Variants in NBAS observed in about 807,000 individuals in gnomAD.
The protein encoded by NBAS is NAG/BC035112 fusion.
A neutral mutation model predicts 302.5 loss-of-function variants in NBAS; 219 were observed. That is an observed-to-expected ratio of 0.72 (90% confidence interval 0.65 to 0.81). The LOEUF is 0.81. Among genes scored for constraint, NBAS ranks in the 30% least tolerant of loss-of-function variants. The pLI, the probability that NBAS is intolerant of heterozygous loss-of-function variation, is 0.00. For synonymous variants in NBAS, 1,118 were observed against 1,021.6 expected, an observed-to-expected ratio of 1.09 and a Z score of -1.80; for missense variants, 2,932 against 2,841.6, an observed-to-expected ratio of 1.03 and a Z score of -0.72.
intron 40 of NBAS, among the ~76,000 whole-genome samples, chr2:15,298,444 C>CCTCTGAGCTGTAAATTTTCCA (rs1344980514): frequency 6.6e-6 from 1 of 152,016 alleles, no homozygotes; most frequent in Non-Finnish European, 1.5e-5. Context: ...CTAGTTTTTC[C>CCTCTGAGCTGTAAATTTTCCA]CTCTGAGCTG....
the NBAS span, among the ~76,000 whole-genome samples, chr2:14,862,217 C>A: frequency 2.0e-5 from 3 of 151,784 alleles, no homozygotes; most frequent in Admixed American, 6.6e-5. Context: ...CAGCTCACTG[C>A]AATCTCCACC....
At chr2:15,074,931 AT>A in the NBAS span, among the ~76,000 whole-genome samples, 155 of 152,354 alleles carry the variant, frequency 1.0e-3, no homozygotes, top group African/African-American at 3.6e-3. Context: ...AATGGCAAGG[AT>A]TTCATGATGA....
chr2:15,473,207 A>C lies in NBAS; in HGVS notation c.1725+15T>G. 1 of 1,613,488 alleles carries C rather than the reference A, an allele frequency of 6.2e-7. No homozygotes were observed. The highest frequency in any genetic ancestry group is 2.2e-5 in the East Asian group (1 of 44,862). ...AATATACATTTTACCACATTACCAA[A>C]ATATTTAAACATACCAAATAATTCT... On this transcript the variant is annotated intron_variant, in intron 16 of 51. Transcript: ENST00000281513.
chr2:15,340,558 A>G (rs1179506145), intron 35 of NBAS, among the ~76,000 whole-genome samples: 1 of 152,176 alleles, frequency 6.6e-6, no homozygotes, highest in Non-Finnish European at 1.5e-5. Flanking sequence ...TGTACATTCA[A>G]GTCCGGAACT....
At chr2:15,478,317 G>A (rs1016653910) in intron 12 of NBAS, 28 bp from the exon 13 acceptor site, 3 of 1,516,122 alleles carry the variant, frequency 2.0e-6, no homozygotes, top group African/African-American at 1.4e-5. Context: ...GACTTCCTGA[G>A]TGAACTATGT....
chr2:15,027,807 G>C, the NBAS span, among the ~76,000 whole-genome samples: 1 of 151,984 alleles, frequency 6.6e-6, no homozygotes, highest in Non-Finnish European at 1.5e-5. Flanking sequence ...TCATATTTAC[G>C]TAGTTTTATT....
intron 31 of NBAS, among the ~76,000 whole-genome samples, chr2:15,369,437 T>C (rs562454865): frequency 6.6e-6 from 1 of 152,214 alleles, no homozygotes; most frequent in African/African-American, 2.4e-5. Context: ...CTACTAATAT[T>C]TGAAGTACAT....
chr2:14,827,889 G>A, the NBAS span, among the ~76,000 whole-genome samples: 1 of 152,140 alleles, frequency 6.6e-6, no homozygotes, highest in Non-Finnish European at 1.5e-5. Flanking sequence ...CACTGTGCCT[G>A]TGCTTGATAC....
chr2:15,112,185 G>C, the NBAS span, among the ~76,000 whole-genome samples: 1 of 151,382 alleles, frequency 6.6e-6, no homozygotes, highest in African/African-American at 2.4e-5. Context: ...AATGATGTAA[G>C]AGATGAAAGA....
At chr2:14,847,296 T>A in the NBAS span, among the ~76,000 whole-genome samples, 1 of 142,528 alleles carries the variant, frequency 7.0e-6, no homozygotes. Flanking sequence ...AGCAGGAGAA[T>A]GGCATGAACC....
chr2:15,467,350 T>G lies in NBAS; in HGVS notation c.2076A>C (p.Leu692Phe), dbSNP rs1679766348. The G allele has an allele frequency of 6.2e-7, 1 of 1,613,032 alleles. No individual in the cohort carries two copies. The highest frequency in any genetic ancestry group is 1.1e-5 in the South Asian group (1 of 91,066). Reference sequence around the variant, plus strand: ...TTACCTCATATGTTGCAAGTCGATCTAAGTAGGTTAATAACTTCCGTCTAC... The same window carrying G: ...TTACCTCATATGTTGCAAGTCGATCGAAGTAGGTTAATAACTTCCGTCTAC... ...CRCRRKLLTY[L>F]DRLATYEEIL... The change falls in exon 19 of 52, where the codon TTA becomes TTC. Residue 692 changes from leucine to phenylalanine, a missense_variant. Coordinates refer to ENST00000281513, the MANE Select transcript of NBAS (RefSeq NM_015909.4).
intron 44 of NBAS, among the ~76,000 whole-genome samples, chr2:15,258,957 C>T (rs1668729178): frequency 6.6e-6 from 1 of 152,278 alleles, no homozygotes; most frequent in East Asian, 1.9e-4. Flanking sequence ...TGTGATGTCA[C>T]CCCTAGCGGC....
At chr2:15,284,080 T>G (rs1263085837) in intron 42 of NBAS, among the ~76,000 whole-genome samples, 2 of 151,424 alleles carry the variant, frequency 1.3e-5, no homozygotes, top group Admixed American at 6.6e-5. Flanking sequence ...TTCTAGGCAT[T>G]CATGGCCACC....
At chr2:15,040,320 C>T in the NBAS span, among the ~76,000 whole-genome samples, 1 of 152,098 alleles carries the variant, frequency 6.6e-6, no homozygotes, top group Non-Finnish European at 1.5e-5. Flanking sequence ...AATGACTTTC[C>T]CAGGGTAACA....
At chr2:14,861,235 C>T in the NBAS span, among the ~76,000 whole-genome samples, 1 of 152,126 alleles carries the variant, frequency 6.6e-6, no homozygotes, top group East Asian at 1.9e-4. Flanking sequence ...ATTCAGATAA[C>T]GACATTATTC....
intron 44 of NBAS, among the ~76,000 whole-genome samples, chr2:15,247,710 A>T (rs1293863771): frequency 9.1e-6 from 1 of 110,196 alleles, no homozygotes; most frequent in Admixed American, 1.0e-4. Context: ...CTCTCTATAT[A>T]TATCTATATA....
chr2:15,468,008 T>A (rs1188201353), intron 17 of NBAS, among the ~76,000 whole-genome samples: 1 of 152,136 alleles, frequency 6.6e-6, no homozygotes, highest in Non-Finnish European at 1.5e-5. Flanking sequence ...TTATTACAAA[T>A]AGAAATCTAA....
intron 25 of NBAS, among the ~76,000 whole-genome samples, chr2:15,410,588 C>T (rs545485960): frequency 5.9e-4 from 89 of 150,602 alleles, no homozygotes; most frequent in Non-Finnish European, 9.3e-4. Flanking sequence ...AAACAGACAA[C>T]AAGTGCTCAT....
chr2:15,415,748 A>G (rs1468276242), intron 24 of NBAS, 29 bp from the exon 25 acceptor site: 1 of 1,612,604 alleles, frequency 6.2e-7, no homozygotes, highest in Non-Finnish European at 8.5e-7. Flanking sequence ...AAAACAGACA[A>G]ACAAGAATGA....
Sources: gnomAD v4.1 joint callset for allele counts (sites outside exome capture counted in the v4.1 genomes callset) on GRCh38, gnomAD v4.1.1 for gene constraint, MANE v1.5 for transcripts, NCBI Gene and HGNC (gene_info 2026-07-23, HGNC 2026-07-21) for gene names.